Variants in CLVS1 observed in about 807,000 individuals in gnomAD.
CLVS1 encodes the protein clavesin-1.
CLVS1 carries 10 observed loss-of-function variants against 33.1 expected under a neutral mutation model. The observed-to-expected ratio is 0.30, with a 90% CI of 0.19 to 0.51. The LOEUF (loss-of-function observed/expected upper bound fraction) is 0.51. CLVS1 is among the 20% of genes least tolerant of loss of function. The probability of loss-of-function intolerance (pLI) is 0.97; values close to 1 mark genes in which losing one functional copy is unlikely to be tolerated. For synonymous variants in CLVS1, 163 were observed against 166.1 expected, an observed-to-expected ratio of 0.98 and a Z score of 0.14; for missense variants, 343 against 433.4, an observed-to-expected ratio of 0.79 and a Z score of 1.85.
chr8:61,059,550 G>T (rs1804546414), intron 1 of CLVS1, among the ~76,000 whole-genome samples: 1 of 140,582 alleles, frequency 7.1e-6, no homozygotes. Context: ...CCTTAATAGT[G>T]AATGTGTCCC....
intron 2 of CLVS1, among the ~76,000 whole-genome samples, chr8:61,241,042 T>C (rs912000582): frequency 1.3e-5 from 2 of 152,118 alleles, no homozygotes; most frequent in African/African-American, 4.8e-5. Context: ...ACTGGCAGAT[T>C]TGGTGTCTTG....
At chr8:61,053,627 C>A (rs999684750), upstream of CLVS1, among the ~76,000 whole-genome samples, 1 of 152,058 alleles carries the variant, frequency 6.6e-6, no homozygotes, top group Non-Finnish European at 1.5e-5. Context: ...ACAGGGAGCT[C>A]CTCCCCTGGT....
intron 2 of CLVS1, among the ~76,000 whole-genome samples, chr8:61,273,454 G>T (rs1171247478): frequency 6.6e-6 from 1 of 152,162 alleles, no homozygotes; most frequent in Non-Finnish European, 1.5e-5. Context: ...GTTTGTCTGT[G>T]CCCTGCCCCC....
chr8:61,480,032 G>T (rs543707571), intron 5 of CLVS1, among the ~76,000 whole-genome samples: 2 of 152,360 alleles, frequency 1.3e-5, no homozygotes, highest in South Asian at 4.1e-4. Flanking sequence ...CAGGGGTCAG[G>T]GACCCATTTG....
At chr8:61,408,355 C>T (rs776198934) in intron 3 of CLVS1, among the ~76,000 whole-genome samples, 2 of 152,150 alleles carry the variant, frequency 1.3e-5, no homozygotes, top group Non-Finnish European at 2.9e-5. Context: ...AAGGCAAGTG[C>T]AAAGGCCTTT....
chr8:61,462,557 G>A (rs1437639089), intron 5 of CLVS1, among the ~76,000 whole-genome samples: 1 of 152,116 alleles, frequency 6.6e-6, no homozygotes, highest in Non-Finnish European at 1.5e-5. Flanking sequence ...GTCATGGACT[G>A]CAGAATGGAT....
At chr8:61,283,949 A>C (rs184387396), upstream of CLVS1, among the ~76,000 whole-genome samples, 2 of 152,216 alleles carry the variant, frequency 1.3e-5, no homozygotes, top group African/African-American at 4.8e-5. Context: ...GAAGTAAGTT[A>C]TTCCAATATA....
intron 2 of CLVS1, among the ~76,000 whole-genome samples, chr8:61,137,769 A>T (rs1806216903): frequency 6.6e-6 from 1 of 152,140 alleles, no homozygotes; most frequent in African/African-American, 2.4e-5. Flanking sequence ...ATCCTGCTGA[A>T]CTTGACAGGG....
At chr8:61,264,358 T>C (rs1273895863) in intron 2 of CLVS1, among the ~76,000 whole-genome samples, 1 of 152,082 alleles carries the variant, frequency 6.6e-6, no homozygotes, top group Non-Finnish European at 1.5e-5. Flanking sequence ...ACACCGAAGA[T>C]TGCAGTGGGA....
At chr8:61,195,304 G>A (rs572415679) in intron 2 of CLVS1, among the ~76,000 whole-genome samples, 1 of 152,026 alleles carries the variant, frequency 6.6e-6, no homozygotes, top group Admixed American at 6.6e-5. Context: ...TTGGGGGAGA[G>A]AGAGAGAGAG....
At chr8:61,413,696 T>A (rs555977899) in intron 3 of CLVS1, among the ~76,000 whole-genome samples, 1 of 152,310 alleles carries the variant, frequency 6.6e-6, no homozygotes, top group South Asian at 2.1e-4. Flanking sequence ...CTTGTATGGC[T>A]TGTGTTTCAT....
At chr8:61,187,143 C>T (rs1270780137) in intron 2 of CLVS1, among the ~76,000 whole-genome samples, 1 of 151,518 alleles carries the variant, frequency 6.6e-6, no homozygotes, top group African/African-American at 2.4e-5. Context: ...TTTTTTTTTC[C>T]ACAGAAAAGA....
At chr8:61,030,564 A>T in the CLVS1 span, among the ~76,000 whole-genome samples, 1 of 152,222 alleles carries the variant, frequency 6.6e-6, no homozygotes, top group Non-Finnish European at 1.5e-5. Context: ...AGTCTCCTTC[A>T]GGCTTCTATT....
intron 2 of CLVS1, among the ~76,000 whole-genome samples, chr8:61,307,810 T>C (rs944433451): frequency 6.6e-6 from 1 of 152,122 alleles, no homozygotes; most frequent in African/African-American, 2.4e-5. Context: ...TTGCACCCAA[T>C]AGGTAATTTC....
chr8:61,201,191 C>T (rs1195999148), intron 2 of CLVS1, among the ~76,000 whole-genome samples: 1 of 152,110 alleles, frequency 6.6e-6, no homozygotes, highest in African/African-American at 2.4e-5. Context: ...CTCTTATCAT[C>T]TAAGGGTCAG....
intron 1 of CLVS1, among the ~76,000 whole-genome samples, chr8:61,093,004 T>G (rs1364435216): frequency 6.6e-6 from 1 of 152,172 alleles, no homozygotes; most frequent in Admixed American, 6.5e-5. Flanking sequence ...AAGAAGCACC[T>G]TAGCTCCTCA....
intron 2 of CLVS1, among the ~76,000 whole-genome samples, chr8:61,313,395 C>T (rs560136836): frequency 6.6e-6 from 1 of 152,098 alleles, no homozygotes; most frequent in Non-Finnish European, 1.5e-5. Flanking sequence ...AGGAGGTGGG[C>T]TGAGGCTGGG....
intron 3 of CLVS1, among the ~76,000 whole-genome samples, chr8:61,389,423 C>A (rs1432912133): frequency 6.6e-6 from 1 of 152,064 alleles, no homozygotes; most frequent in Non-Finnish European, 1.5e-5. Context: ...TGCCTGTAGT[C>A]CCAGCTACTC....
intron 2 of CLVS1, among the ~76,000 whole-genome samples, chr8:61,359,101 G>A (rs1812865042): frequency 6.6e-6 from 1 of 152,150 alleles, no homozygotes; most frequent in South Asian, 2.1e-4. Flanking sequence ...CTTGAGAAAT[G>A]TTTTTGTTTG....
Sources: gnomAD v4.1 joint callset for allele counts (sites outside exome capture counted in the v4.1 genomes callset) on GRCh38, gnomAD v4.1.1 for gene constraint, MANE v1.5 for transcripts, NCBI Gene and HGNC (gene_info 2026-07-23, HGNC 2026-07-21) for gene names.